The following RCOR1 variants were observed in gnomAD, a reference collection of about 807,000 sequenced individuals.
RCOR1 encodes REST corepressor 1.
Under a neutral mutation model 64.0 loss-of-function variants are expected in RCOR1, and 12 were observed. The observed-to-expected ratio is 0.19, with a 90% CI of 0.12 to 0.30. The LOEUF (loss-of-function observed/expected upper bound fraction) is 0.30. Among genes scored for constraint, RCOR1 ranks in the 10% least tolerant of loss-of-function variants. The probability of loss-of-function intolerance (pLI) is 1.00; values close to 1 mark genes in which losing one functional copy is unlikely to be tolerated. For synonymous variants in RCOR1, 279 were observed against 227.2 expected (o/e 1.23, Z -2.05); for missense variants, 502 against 621.2 (o/e 0.81, Z 2.04).
chr14:102,601,462 G>A (rs1281065128), intron 2 of RCOR1, among the ~76,000 whole-genome samples: 35 of 152,222 alleles, frequency 2.3e-4, no homozygotes, highest in Admixed American at 2.3e-3. Context: ...AGAATTAGAT[G>A]TGCAAGAGGT....
intron 11 of RCOR1, among the ~76,000 whole-genome samples, chr14:102,726,257 C>T (rs1566715959): frequency 6.6e-6 from 1 of 150,868 alleles, no homozygotes; most frequent in South Asian, 2.1e-4. Context: ...ACCCAGGAGG[C>T]GGAGGTTGCA....
At chr14:102,637,950 T>G (rs1008499619) in intron 2 of RCOR1, among the ~76,000 whole-genome samples, 2 of 152,216 alleles carry the variant, frequency 1.3e-5, no homozygotes, top group African/African-American at 4.8e-5. Context: ...TAAAATAATT[T>G]TCTTCTCCAG....
In RCOR1 at chr14:102,707,336, A is replaced by T. The variant is rs765696200; in HGVS notation, c.499-15A>T. The T allele has an allele frequency of 4.5e-6, 7 of 1,558,806 alleles. No homozygotes were observed. Among genetic ancestry groups the T allele is most frequent in the Non-Finnish European group, 6.0e-6 (7 of 1,158,592 alleles). ...TTTTGTTTGATCTAAAATTTTACTG[A>T]TATCATTTTTGTAGGCTCTTGGGAT... On this transcript the variant is annotated splice_polypyrimidine_tract_variant and intron_variant, in intron 4 of 11. Transcript: ENST00000262241.
chr14:102,610,094 C>T (rs1285478392), intron 2 of RCOR1, among the ~76,000 whole-genome samples: 4 of 150,730 alleles, frequency 2.7e-5, no homozygotes, highest in Non-Finnish European at 5.9e-5. Flanking sequence ...TGCGCCATTG[C>T]GCTCCAGCCT....
intron 2 of RCOR1, among the ~76,000 whole-genome samples, chr14:102,669,857 T>C (rs982086761): frequency 6.6e-6 from 1 of 152,224 alleles, no homozygotes; most frequent in African/African-American, 2.4e-5. Flanking sequence ...ATAAAACGTT[T>C]TTTGGTCCCT....
chr14:102,617,633 A>G (rs1893789354), intron 2 of RCOR1, among the ~76,000 whole-genome samples: 1 of 138,252 alleles, frequency 7.2e-6, no homozygotes. Context: ...TCTGTCGCCC[A>G]GGCTGGAGTG....
intron 3 of RCOR1, among the ~76,000 whole-genome samples, chr14:102,692,471 A>ACACACACG (rs1555466523): frequency 6.7e-6 from 1 of 150,262 alleles, no homozygotes; most frequent in Non-Finnish European, 1.5e-5. Context: ...ACACACACAC[A>ACACACACG]CGCTTATTTT....
intron 11 of RCOR1, among the ~76,000 whole-genome samples, chr14:102,723,640 TTTTC>T (rs145343008): frequency 0.014 from 2,105 of 152,310 alleles, 21 homozygotes; most frequent in Non-Finnish European, 0.019. Context: ...GCAGTGATTT[TTTTC>T]TTTATTATTA....
At chr14:102,632,098 C>G (rs974142801) in intron 2 of RCOR1, among the ~76,000 whole-genome samples, 6 of 151,662 alleles carry the variant, frequency 4.0e-5, no homozygotes, top group Non-Finnish European at 8.8e-5. Context: ...GCGTGAGCCA[C>G]CGTGCCGAGC....
chr14:102,725,552 T>C (rs1896242211), intron 11 of RCOR1, among the ~76,000 whole-genome samples: 1 of 152,138 alleles, frequency 6.6e-6, no homozygotes, highest in Non-Finnish European at 1.5e-5. Flanking sequence ...CCACTGTGCT[T>C]ATATGCCCTT....
intron 2 of RCOR1, chr14:102,629,891 C>T (rs374832599): frequency 2.5e-6 from 1 of 392,408 alleles, no homozygotes; most frequent in Non-Finnish European, 3.5e-6. Flanking sequence ...AAACGTCTTG[C>T]TTGAGGCCTC....
intron 2 of RCOR1, among the ~76,000 whole-genome samples, chr14:102,656,844 C>G (rs1472945962): frequency 1.3e-5 from 2 of 151,378 alleles, no homozygotes; most frequent in Non-Finnish European, 2.9e-5. Context: ...CGCGCAATCT[C>G]AGCTCACTGC....
intron 3 of RCOR1, among the ~76,000 whole-genome samples, chr14:102,685,983 G>A (rs976477470): frequency 2.0e-5 from 3 of 152,186 alleles, no homozygotes; most frequent in Non-Finnish European, 2.9e-5. Flanking sequence ...TCCTAATATA[G>A]AGAAAATGTA....
intron 2 of RCOR1, among the ~76,000 whole-genome samples, chr14:102,646,575 A>G (rs541348506): frequency 3.3e-5 from 5 of 152,378 alleles, no homozygotes; most frequent in Admixed American, 3.3e-4. Context: ...TCTTCCAGAA[A>G]GTAGTAGGCA....
intron 2 of RCOR1, among the ~76,000 whole-genome samples, chr14:102,639,646 G>A (rs1250252002): frequency 1.3e-5 from 2 of 149,044 alleles, no homozygotes; most frequent in Non-Finnish European, 3.0e-5. Flanking sequence ...AGATTCTCCT[G>A]CCTCAGCCTC....
chr14:102,654,477 C>G (rs899258829), intron 2 of RCOR1, among the ~76,000 whole-genome samples: 1 of 152,132 alleles, frequency 6.6e-6, no homozygotes, highest in East Asian at 1.9e-4. Flanking sequence ...CGATGACACA[C>G]ACCTTTTCAT....
intron 2 of RCOR1, among the ~76,000 whole-genome samples, chr14:102,676,658 C>A (rs1325143796): frequency 9.4e-6 from 1 of 106,832 alleles, no homozygotes; most frequent in Non-Finnish European, 1.9e-5. Flanking sequence ...CCCTCCCGGA[C>A]GGGGCGGCTG....
intron 2 of RCOR1, among the ~76,000 whole-genome samples, chr14:102,653,927 CTTTCTTTCTTTCT>C (rs1894649135): frequency 9.2e-5 from 2 of 21,726 alleles, no homozygotes; most frequent in Non-Finnish European, 1.8e-4. Flanking sequence ...TTCCTTCTTT[CTTTCTTTCTTTCT>C]TTCTTTCTTT....
Position 102,592,733 on chromosome 14 carries a change from C to A in RCOR1, c.-154C>A. ...GGCTTGAAGCGGCTCCGCGCTCTGC[C>A]CGTTTGGGCCTCCCCCGACTCGGAC... On this transcript the variant is annotated 5_prime_UTR_variant, in exon 1 of 12. Transcript: ENST00000262241. The A allele has an allele frequency of 1.6e-6, 2 of 1,223,504 alleles. No homozygotes were observed. The highest frequency in any genetic ancestry group is 1.0e-6 in the Non-Finnish European group (1 of 982,726). 75.8% of individuals were successfully genotyped at this position (1,223,504 alleles called of 1,614,324 possible).
Sources: allele counts gnomAD v4.1 joint callset (sites outside exome capture counted in the v4.1 genomes callset), GRCh38; gene constraint gnomAD v4.1.1; transcripts MANE v1.5; gene names NCBI Gene and HGNC (gene_info 2026-07-23, HGNC 2026-07-21).